EFCAB13: variants seen among roughly 807,000 people sequenced by gnomAD.
The protein encoded by EFCAB13 is EF-hand calcium-binding domain-containing protein 13.
A neutral mutation model predicts 110.2 loss-of-function variants in EFCAB13; 91 were observed. That is an observed-to-expected ratio of 0.83 (90% confidence interval 0.70 to 0.98). The LOEUF (loss-of-function observed/expected upper bound fraction) is 0.98. Ranked by LOEUF, EFCAB13 falls within the 50% of genes least tolerant of loss-of-function variation. The pLI, the probability that EFCAB13 is intolerant of heterozygous loss-of-function variation, is 0.00. For missense variants in EFCAB13, 968 were observed against 1,119.4 expected (o/e 0.86, Z 1.93); for synonymous variants, 323 against 369.9 (o/e 0.87, Z 1.45).
At chr17:47,414,958 A>G (rs1904386922) in intron 23 of EFCAB13, 39 bp downstream of exon 23, 1 of 1,388,362 alleles carries the variant, frequency 7.2e-7, no homozygotes, top group East Asian at 2.3e-5. Flanking sequence ...TGGCTAGAAA[A>G]TAAATATTTA....
chr17:47,387,970 T>A (rs943743936), intron 14 of EFCAB13, among the ~76,000 whole-genome samples: 2 of 152,210 alleles, frequency 1.3e-5, no homozygotes, highest in African/African-American at 4.8e-5. Context: ...AAAGCGATAC[T>A]CTAGCTGTGT....
chr17:47,423,301 A>G (rs1476703476), intron 23 of EFCAB13: 1 of 152,340 alleles, frequency 6.6e-6, no homozygotes, highest in African/African-American at 2.4e-5. Flanking sequence ...TTAATGGTGA[A>G]GGGGCATTTT....
At chr17:47,393,510 G>A (rs2065719590) in intron 15 of EFCAB13, among the ~76,000 whole-genome samples, 1 of 152,006 alleles carries the variant, frequency 6.6e-6, no homozygotes, top group Non-Finnish European at 1.5e-5. Context: ...CATAAATTGT[G>A]GTATACACCA....
chr17:47,370,561 C>A, intron 11 of EFCAB13, 53 bp downstream of exon 11: 1 of 1,184,326 alleles, frequency 8.4e-7, no homozygotes, highest in Non-Finnish European at 1.2e-6. Context: ...AAAGTCTTTA[C>A]ATTAAATCTT....
Position 47,429,805 on chromosome 17 carries a change from T to C in EFCAB13, c.2495-13T>C. On this transcript the variant is annotated splice_polypyrimidine_tract_variant and intron_variant, in intron 23 of 24. Transcript: ENST00000331493. ...CTGCTGTTGAAACATTTGCTTTTGC[T>C]CTCCTTTTGCAGCTACACAGATACT... 1 of 1,572,208 alleles carries C rather than the reference T, an allele frequency of 6.4e-7. No individual in the cohort carries two copies. The highest frequency in any genetic ancestry group is 1.2e-5 in the South Asian group (1 of 86,744).
At chr17:47,402,253 C>A (rs1323087997) in intron 18 of EFCAB13, 50 bp downstream of exon 18, 2 of 1,542,990 alleles carry the variant, frequency 1.3e-6, no homozygotes, top group Non-Finnish European at 1.8e-6. Context: ...ATTGAAAGGA[C>A]TTGCTTTTGT....
chr17:47,397,064 C>G lies in EFCAB13; in HGVS notation c.1945+1087C>G, dbSNP rs911157507. Among the ~76,000 whole-genome samples the G allele has an allele frequency of 2.9e-4, 43 of 148,040 alleles. 1 individual carries two copies. The highest frequency in any genetic ancestry group is 5.7e-4 in the African/African-American group (23 of 40,306). ...TCCCCCTTTCCCTCTCATGCCGAGC[C>G]GAAGCTGGACTGTACTGCTGCCATC... is the stretch of plus-strand genomic sequence containing the variant. On this transcript the variant is annotated intron_variant, in intron 17 of 24. Transcript: ENST00000331493.
intron 4 of EFCAB13, among the ~76,000 whole-genome samples, chr17:47,330,426 G>A (rs1038533723): frequency 3.3e-5 from 5 of 151,920 alleles, no homozygotes; most frequent in Non-Finnish European, 5.9e-5. Context: ...AGTATACATT[G>A]TACCCAACAG....
intron 14 of EFCAB13, among the ~76,000 whole-genome samples, chr17:47,389,954 T>C (rs1003238955): frequency 2.0e-5 from 3 of 152,192 alleles, no homozygotes; most frequent in Non-Finnish European, 4.4e-5. Flanking sequence ...ATGTACTATT[T>C]ACACATCTTC....
chr17:47,373,555 C>T (rs2065597394), intron 11 of EFCAB13, among the ~76,000 whole-genome samples: 1 of 152,056 alleles, frequency 6.6e-6, no homozygotes, highest in Non-Finnish European at 1.5e-5. Flanking sequence ...TGGGAAAGCC[C>T]TTAATCAGTG....
At chr17:47,350,762 A>G (rs2143285866) in intron 9 of EFCAB13, among the ~76,000 whole-genome samples, 1 of 152,250 alleles carries the variant, frequency 6.6e-6, no homozygotes, top group South Asian at 2.1e-4. Context: ...ATTATAAATA[A>G]AGTGGTTGGA....
chr17:47,371,027 AC>A (rs2065580680), intron 11 of EFCAB13, among the ~76,000 whole-genome samples: 1 of 141,916 alleles, frequency 7.0e-6, no homozygotes, highest in South Asian at 2.2e-4. Flanking sequence ...AGCGTGAGCC[AC>A]CGCGTCTGGC....
At chr17:47,379,644 A>G (rs1386261880) in intron 14 of EFCAB13, among the ~76,000 whole-genome samples, 2 of 151,472 alleles carry the variant, frequency 1.3e-5, no homozygotes, top group African/African-American at 2.4e-5. Flanking sequence ...AAACAGCTTT[A>G]TCAAGGTATA....
At chr17:47,361,838 G>A (rs1427276912) in intron 10 of EFCAB13, among the ~76,000 whole-genome samples, 2 of 152,144 alleles carry the variant, frequency 1.3e-5, no homozygotes, top group Non-Finnish European at 2.9e-5. Flanking sequence ...AGTATCAAGA[G>A]CATTGACTCC....
chr17:47,352,361 G>C (rs778999537), intron 9 of EFCAB13, among the ~76,000 whole-genome samples: 2 of 152,086 alleles, frequency 1.3e-5, no homozygotes, highest in Non-Finnish European at 2.9e-5. Context: ...CCTTTCACCA[G>C]TGTATGTTTT....
At chr17:47,346,606 T>G (rs1277939147) in intron 8 of EFCAB13, among the ~76,000 whole-genome samples, 1 of 152,126 alleles carries the variant, frequency 6.6e-6, no homozygotes, top group Non-Finnish European at 1.5e-5. Context: ...TACTGGATCA[T>G]GTGGCTTTGC....
chr17:47,325,923 AATATATATAT>A (rs60735562), intron 2 of EFCAB13, among the ~76,000 whole-genome samples: 1,462 of 102,528 alleles, frequency 0.014, 45 homozygotes, highest in Admixed American at 0.062. Context: ...ATATAAACAA[AATATATATAT>A]ATATATATAT....
chr17:47,440,483 G>T lies in EFCAB13; in HGVS notation c.2691G>T (p.Leu897Phe). The T allele has an allele frequency of 1.2e-6, 2 of 1,609,714 alleles. No homozygotes were observed. Among genetic ancestry groups the T allele is most frequent in the South Asian group, 2.2e-5 (2 of 89,744 alleles). Residue 897 changes from leucine (L) to phenylalanine (F), a missense_variant, in exon 25 of 25, where the codon TTG becomes TTT. Leu to Phe is a conservative substitution (Grantham distance 22, BLOSUM62 0). Transcript: ENST00000331493. Reference sequence around the variant, plus strand: ...TTATGACTAAATTATCCGATATATTGACAATTCCTAAAGCTGCAGGTAAGT... The same window carrying T: ...TTATGACTAAATTATCCGATATATTTACAATTCCTAAAGCTGCAGGTAAGT... ...QEFMTKLSDI[L>F]TIPKAAGKFY... is the part of the protein sequence containing the mutation.
At chr17:47,361,294 C>T in intron 9 of EFCAB13, 84 bp from the exon 10 acceptor site, 29 of 1,270,168 alleles carry the variant, frequency 2.3e-5, no homozygotes, top group South Asian at 8.2e-5. Flanking sequence ...AGTTATTTTC[C>T]CTTAGTAGGC....
Sources: gnomAD v4.1 joint callset for allele counts (sites outside exome capture counted in the v4.1 genomes callset) on GRCh38, gnomAD v4.1.1 for gene constraint, MANE v1.5 for transcripts, NCBI Gene and HGNC (gene_info 2026-07-23, HGNC 2026-07-21) for gene names.